PCP4: variants seen among roughly 807,000 people sequenced by gnomAD.
PCP4 encodes the protein Purkinje cell protein 4.
A neutral mutation model predicts 10.0 loss-of-function variants in PCP4; 8 were observed. The observed-to-expected ratio is 0.80, with a 90% confidence interval of 0.47 to 1.45. The LOEUF (loss-of-function observed/expected upper bound fraction) is 1.45, where lower values mean the gene tolerates loss of function less well. Ranked by LOEUF, PCP4 falls within the 40% of genes most tolerant of loss-of-function variation. The probability of loss-of-function intolerance (pLI) is 0.00; values close to 1 mark genes in which losing one functional copy is unlikely to be tolerated. For missense variants in PCP4, 54 were observed against 74.4 expected (o/e 0.73, Z 1.01); for synonymous variants, 21 against 23.0 (o/e 0.91, Z 0.24).
intron 2 of PCP4, among the ~76,000 whole-genome samples, chr21:39,910,212 G>A (rs2087532928): frequency 6.6e-6 from 1 of 152,156 alleles, no homozygotes; most frequent in Non-Finnish European, 1.5e-5. Flanking sequence ...GCCGGGCACT[G>A]ATGTGAGTGA....
intron 2 of PCP4, among the ~76,000 whole-genome samples, chr21:39,900,201 AT>A (rs1309150747): frequency 6.6e-6 from 1 of 151,846 alleles, no homozygotes; most frequent in Non-Finnish European, 1.5e-5. Flanking sequence ...CGCCTGGCTA[AT>A]TTTTGTATTT....
At chr21:39,903,834 A>G (rs946380609) in intron 2 of PCP4, among the ~76,000 whole-genome samples, 3 of 144,854 alleles carry the variant, frequency 2.1e-5, no homozygotes, top group Admixed American at 1.5e-4. Flanking sequence ...TGCCACTGCA[A>G]TCCGGCCTGG....
At chr21:39,880,601 A>G (rs1395362419) in intron 1 of PCP4, among the ~76,000 whole-genome samples, 2 of 152,216 alleles carry the variant, frequency 1.3e-5, no homozygotes, top group Non-Finnish European at 2.9e-5. Context: ...TTGTTTATCC[A>G]GGTGAAAGCA....
intron 1 of PCP4, among the ~76,000 whole-genome samples, chr21:39,872,289 G>A (rs758009194): frequency 2.6e-5 from 4 of 152,130 alleles, no homozygotes; most frequent in South Asian, 2.1e-4. Flanking sequence ...GTGAGCCACC[G>A]CACCCAACCT....
At chr21:39,921,846 C>T (rs971018734) in intron 2 of PCP4, among the ~76,000 whole-genome samples, 3 of 152,182 alleles carry the variant, frequency 2.0e-5, no homozygotes, top group Non-Finnish European at 4.4e-5. Context: ...TTTGTTATGG[C>T]AGCCCGAGCA....
At chr21:39,902,939 A>G (rs577210631) in intron 2 of PCP4, among the ~76,000 whole-genome samples, 3 of 152,328 alleles carry the variant, frequency 2.0e-5, no homozygotes, top group Non-Finnish European at 2.9e-5. Flanking sequence ...ATTAAATTCA[A>G]ACATGTTTAC....
rs374069819 is a variant in PCP4 at position 39,914,677 on chromosome 21, T to C, written c.62-14307T>C. Among the ~76,000 whole-genome samples the C allele has an allele frequency of 1.3e-3, 204 of 152,250 alleles. 5 individuals carry two copies. In the South Asian group the frequency reaches 0.039, roughly 29 times the overall value. On this transcript the variant is annotated intron_variant, in intron 2 of 2. Transcript: ENST00000328619. ...TCAGTGGGTTCAAGTGAGGTTCTTA[T>C]ATTAATTAGGCTAATTGATGTTCCT...
rs149333804 is a variant in PCP4 at position 39,925,569 on chromosome 21, G to A, written c.62-3415G>A. Among the ~76,000 whole-genome samples, 776 of 152,346 alleles carry A rather than the reference G, an allele frequency of 5.1e-3. 3 individuals carry two copies. The highest frequency in any genetic ancestry group is 0.018 in the African/African-American group (736 of 41,592). ...GAAGGAAACAAAGAAGTAAAGTCAT[G>A]GGTAGCAATTGCACCGTGAAGAACT... On this transcript the variant is annotated intron_variant, in intron 2 of 2. Transcript: ENST00000328619.
chr21:39,922,955 G>T (rs1258210563), intron 2 of PCP4, among the ~76,000 whole-genome samples: 1 of 152,114 alleles, frequency 6.6e-6, no homozygotes. Flanking sequence ...CAATAAGTCG[G>T]GTTTCCCCTC....
chr21:39,928,271 G>A (rs151256257), intron 2 of PCP4, among the ~76,000 whole-genome samples: 107 of 152,160 alleles, frequency 7.0e-4, no homozygotes, highest in African/African-American at 2.2e-3. Flanking sequence ...TTGTTTTTCC[G>A]TCTTGGCTGC....
intron 2 of PCP4, among the ~76,000 whole-genome samples, chr21:39,919,333 A>G (rs2146348565): frequency 6.6e-6 from 1 of 152,382 alleles, no homozygotes; most frequent in African/African-American, 2.4e-5. Flanking sequence ...TTAATATTGT[A>G]CTTTGAAAGA....
intron 2 of PCP4, chr21:39,916,091 T>G (rs930063499): frequency 6.6e-6 from 1 of 152,180 alleles, no homozygotes; most frequent in African/African-American, 2.4e-5. Context: ...GGGCAAACTG[T>G]GGCTTTTCTG....
At chr21:39,907,001 C>G (rs1195415580) in intron 2 of PCP4, among the ~76,000 whole-genome samples, 1 of 152,160 alleles carries the variant, frequency 6.6e-6, no homozygotes, top group Non-Finnish European at 1.5e-5. Flanking sequence ...TTAATGTGCA[C>G]AGCAGGCAGT....
intron 2 of PCP4, among the ~76,000 whole-genome samples, chr21:39,922,894 A>G (rs769878477): frequency 1.2e-4 from 18 of 152,194 alleles, no homozygotes; most frequent in Non-Finnish European, 2.4e-4. Context: ...ATGGCCCCCC[A>G]GGCACACAGG....
intron 2 of PCP4, among the ~76,000 whole-genome samples, chr21:39,922,947 A>G (rs771550832): frequency 4.6e-5 from 7 of 152,174 alleles, no homozygotes; most frequent in Admixed American, 1.3e-4. Flanking sequence ...ATAGTGATCA[A>G]TAAGTCGGGT....
chr21:39,876,279 C>T (rs918932511), intron 1 of PCP4, among the ~76,000 whole-genome samples: 6 of 152,114 alleles, frequency 3.9e-5, no homozygotes, highest in African/African-American at 1.2e-4. Flanking sequence ...TCCATTACCC[C>T]GCCCCTATCC....
chr21:39,929,223 G>T lies in PCP4; in HGVS notation c.*112G>T. 1 of 1,029,608 alleles carries T rather than the reference G, an allele frequency of 9.7e-7. No individual in the cohort carries two copies. The highest frequency in any genetic ancestry group is 1.6e-5 in the African/African-American group (1 of 61,936). 63.8% of individuals were successfully genotyped at this position (1,029,608 alleles called of 1,614,324 possible). A position where few individuals can be genotyped will look rare whatever the true frequency, so the allele number is the denominator to read the frequency against. ...AGTCATCCACACACAATCCACACAC[G>T]CATAGCAAACCTCCAATGCATGTAC... On this transcript the variant is annotated 3_prime_UTR_variant, in exon 3 of 3. Coordinates refer to ENST00000328619, the MANE Select transcript of PCP4 (RefSeq NM_006198.3).
intron 1 of PCP4, among the ~76,000 whole-genome samples, chr21:39,879,443 G>T (rs1221388973): frequency 6.6e-6 from 1 of 152,076 alleles, no homozygotes; most frequent in Non-Finnish European, 1.5e-5. Flanking sequence ...GAATTTCCAT[G>T]TCATCACTTT....
At chr21:39,903,621 C>T (rs2087491378) in intron 2 of PCP4, among the ~76,000 whole-genome samples, 1 of 152,144 alleles carries the variant, frequency 6.6e-6, no homozygotes, top group Non-Finnish European at 1.5e-5. Flanking sequence ...GTAATCCCAG[C>T]ACTTTGGGAG....
Sources: gnomAD v4.1 joint callset for allele counts (sites outside exome capture counted in the v4.1 genomes callset) on GRCh38, gnomAD v4.1.1 for gene constraint, MANE v1.5 for transcripts, NCBI Gene and HGNC (gene_info 2026-07-23, HGNC 2026-07-21) for gene names.